MACF1: variants seen among roughly 807,000 people sequenced by gnomAD.
The protein encoded by MACF1 is microtubule actin crosslinking factor 1.
A neutral mutation model predicts 854.8 loss-of-function variants in MACF1; 193 were observed. That is an observed-to-expected ratio of 0.23 (90% CI 0.20 to 0.25). The LOEUF (loss-of-function observed/expected upper bound fraction) is 0.25. Ranked by LOEUF, MACF1 falls within the 10% of genes least tolerant of loss-of-function variation. The probability of loss-of-function intolerance (pLI) is 1.00; values close to 1 mark genes in which losing one functional copy is unlikely to be tolerated. For missense variants in MACF1, 7,722 were observed against 8,929.1 expected, an observed-to-expected ratio of 0.86 and a Z score of 5.45; for synonymous variants, 3,185 against 3,226.7, an observed-to-expected ratio of 0.99 and a Z score of 0.44.
At chr1:39,153,714 G>A (rs940368771) in intron 2 of MACF1, among the ~76,000 whole-genome samples, 9 of 152,104 alleles carry the variant, frequency 5.9e-5, no homozygotes, top group African/African-American at 1.7e-4. Context: ...CCTTTCCTTC[G>A]AAGTATGAAG....
At position 39,332,938 on chromosome 1, in the gene MACF1, A is replaced by G. The variant is rs539122213; in HGVS notation, c.6350A>G (p.Gln2117Arg). The G allele has an allele frequency of 6.2e-7, 1 of 1,614,174 alleles. No individual in the cohort carries two copies. The highest frequency in any genetic ancestry group is 1.1e-5 in the South Asian group (1 of 91,084). Reference protein sequence around the residue: ...RQLIGTQREDQTAVSVRENAS... With the variant: ...RQLIGTQREDRTAVSVRENAS... ...TTGATAGGTACCCAAAGGGAAGACC[A>G]AACAGCAGTGTCTGTCAGAGAAAAT... Residue 2117 changes from glutamine (Q) to arginine (R), a missense_variant, in exon 37 of 101, where the codon CAA becomes CGA. This residue lies in a region of MACF1 where 1,531 missense variants were observed against 1,601.6 expected (regional missense o/e 0.96). Coordinates refer to ENST00000564288, the MANE Select transcript of MACF1 (RefSeq NM_001394062.1).
intron 21 of MACF1, chr1:39,298,590 C>A: frequency 2.4e-6 from 1 of 419,524 alleles, no homozygotes; most frequent in Non-Finnish European, 4.7e-6. Context: ...CAAAACAGTT[C>A]ATTTTTTTTG....
intron 2 of MACF1, among the ~76,000 whole-genome samples, chr1:39,164,222 A>AT (rs36125153): frequency 1.3e-5 from 2 of 151,990 alleles, no homozygotes; most frequent in Admixed American, 6.6e-5. Context: ...TGCATTTCTG[A>AT]TTTTTTTTAA....
intron 2 of MACF1, among the ~76,000 whole-genome samples, chr1:39,247,318 G>T (rs532493303): frequency 6.6e-6 from 1 of 151,782 alleles, no homozygotes; most frequent in Non-Finnish European, 1.5e-5. Context: ...TGATCCGCCC[G>T]TCTCGGCCTC....
At chr1:39,136,103 G>A (rs1390652998) in intron 2 of MACF1, among the ~76,000 whole-genome samples, 1 of 152,146 alleles carries the variant, frequency 6.6e-6, no homozygotes, top group Non-Finnish European at 1.5e-5. Context: ...ACTTGACACA[G>A]TAAGGGAGCT....
intron 6 of MACF1, chr1:39,268,418 C>T (rs747881572): frequency 5.8e-6 from 6 of 1,028,646 alleles, no homozygotes; most frequent in East Asian, 9.3e-5. Context: ...GCAGCCAATC[C>T]GGTTTCTGTC....
At chr1:39,449,290 A>T (rs1644287515) in intron 84 of MACF1, among the ~76,000 whole-genome samples, 1 of 152,248 alleles carries the variant, frequency 6.6e-6, no homozygotes, top group Non-Finnish European at 1.5e-5. Context: ...CCCTGTTGGC[A>T]GAGCTGAGGT....
intron 1 of MACF1, among the ~76,000 whole-genome samples, chr1:39,222,904 A>G (rs1264220673): frequency 6.6e-6 from 1 of 152,042 alleles, no homozygotes; most frequent in Non-Finnish European, 1.5e-5. Context: ...ATGTACTGGG[A>G]CTATGTGGGT....
Position 39,422,918 on chromosome 1 carries a change from G to A in MACF1, c.16149+18G>A, listed in dbSNP as rs979782498. ...AACAGAAGGTAAGTGAGAATGTTGG[G>A]ACAGTGAACTGTAACAGCCGTAGGG... On this transcript the variant is annotated intron_variant, in intron 60 of 100. Transcript: ENST00000564288. The A allele has an allele frequency of 2.5e-6, 4 of 1,610,938 alleles. No homozygotes were observed. The African/African-American group carries it at 4.0e-5, about 16-fold the overall frequency.
At chr1:39,329,355 G>C (rs530827224) in intron 36 of MACF1, among the ~76,000 whole-genome samples, 1 of 152,116 alleles carries the variant, frequency 6.6e-6, no homozygotes, top group Admixed American at 6.5e-5. Context: ...TCCTCAGTGC[G>C]TGTTTCTAAC....
chr1:39,109,969 A>G lies in MACF1; in HGVS notation c.220+25531A>G, dbSNP rs542519866. Among the ~76,000 whole-genome samples, 39 of 152,286 alleles carry G rather than the reference A, an allele frequency of 2.6e-4. No individual in the cohort carries two copies. The East Asian group carries it at 6.4e-3, about 25-fold the overall frequency. On this transcript the variant is annotated intron_variant, in intron 2 of 93. Transcript: ENST00000361689. ...ACTGTGGAGAATTTCTTTTCCCCTTATTATGGGAGAAGTTTTACGATATAT... is the reference window on the plus strand; with the variant it reads ...ACTGTGGAGAATTTCTTTTCCCCTTGTTATGGGAGAAGTTTTACGATATAT...
chr1:39,218,397 T>C (rs1258737531), intron 1 of MACF1, among the ~76,000 whole-genome samples: 1 of 152,180 alleles, frequency 6.6e-6, no homozygotes, highest in East Asian at 1.9e-4. Flanking sequence ...GTATGAACCA[T>C]AGACTAGACA....
chr1:39,085,014 G>A (rs762747997), intron 2 of MACF1, among the ~76,000 whole-genome samples: 2 of 152,118 alleles, frequency 1.3e-5, no homozygotes, highest in South Asian at 2.1e-4. Flanking sequence ...TTCACACGAC[G>A]TGAAGGCTGG....
chr1:39,388,628 A>C lies in MACF1; in HGVS notation c.15786A>C (p.Glu5262Asp), dbSNP rs767772465. ...ALQWVVGTEV[E>D]IINQQLADFK... The stretch of plus-strand genomic sequence containing the variant: ...AGTGGGTAGTGGGGACCGAAGTGGA[A>C]ATCATCAACCAACAATTAGCAGATT... Residue 5262 changes from glutamate to aspartate, a missense_variant, in exon 58 of 101, where the codon GAA (glutamate) becomes GAC (aspartate). This residue lies in a region of MACF1 where 2,807 missense variants were observed against 3,235.8 expected (regional missense o/e 0.87). Coordinates refer to ENST00000564288, the MANE Select transcript of MACF1 (RefSeq NM_001394062.1). The C allele has an allele frequency of 6.3e-7, 1 of 1,581,166 alleles. No individual in the cohort carries two copies. Among genetic ancestry groups the C allele is most frequent in the Non-Finnish European group, 8.6e-7 (1 of 1,165,866 alleles).
Position 39,378,489 on chromosome 1 carries a change from T to C in MACF1, c.13242T>C (p.Ser4414=), listed in dbSNP as rs1418420757. 2 of 1,613,990 alleles carry C rather than the reference T, an allele frequency of 1.2e-6. No individual in the cohort carries two copies. Among genetic ancestry groups the C allele is most frequent in the Non-Finnish European group, 1.7e-6 (2 of 1,179,940 alleles). The change falls in exon 53 of 101, where the codon TCT becomes TCC. Residue 4414 remains serine, a synonymous_variant. Transcript: ENST00000564288. ...TGSILPSVGS[S]VGSVNGYHTC... ...CCATACTGCCCTCTGTAGGAAGCTCTGTAGGCAGTGTAAACGGATACCACA... is the reference window on the plus strand; with the variant it reads ...CCATACTGCCCTCTGTAGGAAGCTCCGTAGGCAGTGTAAACGGATACCACA...
intron 2 of MACF1, among the ~76,000 whole-genome samples, chr1:39,121,901 C>T (rs1281947682): frequency 1.3e-5 from 2 of 152,088 alleles, no homozygotes; most frequent in Admixed American, 6.6e-5. Context: ...AACCCAGGCC[C>T]GATTAACTCC....
intron 22 of MACF1, 61 bp from the exon 23 acceptor site, chr1:39,302,863 C>T (rs968781790): frequency 6.7e-6 from 10 of 1,492,604 alleles, no homozygotes; most frequent in Middle Eastern, 1.8e-4. Flanking sequence ...GGATGAGGCA[C>T]CAGGAAATAA....
At chr1:39,170,212 G>A (rs1389538622) in intron 2 of MACF1, among the ~76,000 whole-genome samples, 1 of 152,166 alleles carries the variant, frequency 6.6e-6, no homozygotes, top group Non-Finnish European at 1.5e-5. Context: ...CGTAGTCCAA[G>A]TTGATGTATC....
intron 95 of MACF1, among the ~76,000 whole-genome samples, chr1:39,466,758 A>T (rs772694739): frequency 4.6e-5 from 7 of 152,168 alleles, no homozygotes; most frequent in Non-Finnish European, 7.3e-5. Flanking sequence ...TTCTCTTTCA[A>T]GTCTGGGTTC....
Sources: gnomAD v4.1 joint callset for allele counts (sites outside exome capture counted in the v4.1 genomes callset) on GRCh38, gnomAD v4.1.1 for gene constraint, gnomAD v4.1.1 regional missense constraint, MANE v1.5 for transcripts, NCBI Gene and HGNC (gene_info 2026-07-23, HGNC 2026-07-21) for gene names.